Variants in DENND5B observed in about 807,000 individuals in gnomAD.
The protein encoded by DENND5B is DENN domain-containing protein 5B.
Under a neutral mutation model 140.6 loss-of-function variants are expected in DENND5B, and 34 were observed. The observed-to-expected ratio is 0.24, with a 90% CI of 0.18 to 0.32. The LOEUF (loss-of-function observed/expected upper bound fraction) is 0.32, where lower values mean the gene tolerates loss of function less well. Among genes scored for constraint, DENND5B ranks in the 10% least tolerant of loss-of-function variants. The probability of loss-of-function intolerance (pLI) is 1.00; values close to 1 mark genes in which losing one functional copy is unlikely to be tolerated. For missense variants in DENND5B, 1,142 were observed against 1,560.2 expected (o/e 0.73, Z 4.52); for synonymous variants, 551 against 562.1 (o/e 0.98, Z 0.28).
chr12:31,587,230 C>T (rs1377777183), intron 1 of DENND5B, among the ~76,000 whole-genome samples: 1 of 152,214 alleles, frequency 6.6e-6, no homozygotes, highest in Non-Finnish European at 1.5e-5. Flanking sequence ...TATGTGACAT[C>T]TCCATTTGAA....
At chr12:31,516,832 G>C (rs1947675303) in intron 1 of DENND5B, among the ~76,000 whole-genome samples, 2 of 152,106 alleles carry the variant, frequency 1.3e-5, no homozygotes, top group South Asian at 4.1e-4. Flanking sequence ...CCAGCACTTT[G>C]GGAGACTGAA....
intron 11 of DENND5B, chr12:31,419,900 G>A (rs959633739): frequency 2.0e-6 from 1 of 500,334 alleles, no homozygotes; most frequent in Non-Finnish European, 2.5e-6. Flanking sequence ...TTGAACCCAG[G>A]AAGTGGAGGT....
chr12:31,442,841 T>C lies in DENND5B; in HGVS notation c.1946A>G (p.Lys649Arg). Residue 649 changes from lysine (K) to arginine (R), a missense_variant, in exon 7 of 21, where the codon AAA becomes AGA. Lys to Arg is a conservative substitution (Grantham distance 26). Around this residue, in one of 5 missense-constraint regions of DENND5B, gnomAD observed 708 missense variants for 905.5 expected, o/e 0.78. Coordinates refer to ENST00000389082, the MANE Select transcript of DENND5B (RefSeq NM_144973.4). Reference sequence around the variant, plus strand: ...CTTTGGAAAGAACCCCTGCTCATATTTGCCTTGACCAATTTTCATATCAAG... The same window carrying C: ...CTTTGGAAAGAACCCCTGCTCATATCTGCCTTGACCAATTTTCATATCAAG... ...HLLDMKIGQG[K>R]YEQGFFPKLQ... 1.2e-6 allele frequency: 2 copies of C among 1,613,546 alleles called. No homozygotes were observed. Among genetic ancestry groups the C allele is most frequent in the Non-Finnish European group, 1.7e-6 (2 of 1,179,722 alleles).
In DENND5B at chr12:31,408,780, C is replaced by T. The variant is rs559809836; in HGVS notation, c.2803+483G>A. 1.2e-4 allele frequency among the ~76,000 whole-genome samples: 19 copies of T among 152,122 alleles called. No homozygotes were observed. In the East Asian group the frequency reaches 3.7e-3, roughly 29 times the overall value. On this transcript the variant is annotated intron_variant, in intron 14 of 20. Coordinates refer to ENST00000389082, the MANE Select transcript of DENND5B (RefSeq NM_144973.4). Reference sequence around the variant, plus strand: ...GAAATATTTACTTAATAAAACATTCCTTTTCTCATCTATTGTAGGTAACAT... The same window carrying T: ...GAAATATTTACTTAATAAAACATTCTTTTTCTCATCTATTGTAGGTAACAT...
intron 1 of DENND5B, among the ~76,000 whole-genome samples, chr12:31,508,172 G>T (rs977395972): frequency 3.9e-5 from 6 of 152,160 alleles, no homozygotes; most frequent in Admixed American, 3.3e-4. Context: ...ACACTGCTAA[G>T]CTGATTCAAA....
intron 3 of DENND5B, among the ~76,000 whole-genome samples, chr12:31,478,692 A>T (rs1945932530): frequency 1.3e-5 from 1 of 74,246 alleles, no homozygotes; most frequent in South Asian, 5.0e-4. Flanking sequence ...CGGAGTGAGA[A>T]CTTGTCTAAA....
chr12:31,498,597 A>G (rs1225442540), intron 1 of DENND5B, among the ~76,000 whole-genome samples: 1 of 152,208 alleles, frequency 6.6e-6, no homozygotes, highest in Non-Finnish European at 1.5e-5. Flanking sequence ...TGCTATATAT[A>G]CACAGCTGTC....
At chr12:31,437,703 A>C (rs1355804095) in intron 7 of DENND5B, among the ~76,000 whole-genome samples, 1 of 152,170 alleles carries the variant, frequency 6.6e-6, no homozygotes, top group Non-Finnish European at 1.5e-5. Context: ...TACTCAAAAC[A>C]ACCGAAATGT....
At chr12:31,566,319 A>C (rs1037773677) in intron 1 of DENND5B, among the ~76,000 whole-genome samples, 10 of 140,536 alleles carry the variant, frequency 7.1e-5, no homozygotes, top group African/African-American at 2.4e-4. Flanking sequence ...AAACATAGTG[A>C]GAACCTCTCT....
chr12:31,590,405 C>T (rs973954433), intron 1 of DENND5B: 52 of 203,080 alleles, frequency 2.6e-4, no homozygotes, highest in African/African-American at 9.9e-4. Flanking sequence ...CCGAGTGCGG[C>T]TGCAAGCGAA....
At position 31,385,541 on chromosome 12, in the gene DENND5B, G is replaced by T; in HGVS notation, c.*2062C>A. On this transcript the variant is annotated 3_prime_UTR_variant, in exon 21 of 21. Transcript: ENST00000389082. ...GATCACCAAACACAGTAGGAGCCCAGTGTAAAACAGGTTCTGGATATCTCC... is the reference window on the plus strand; with the variant it reads ...GATCACCAAACACAGTAGGAGCCCATTGTAAAACAGGTTCTGGATATCTCC... 6.6e-6 allele frequency: 1 copy of T among 152,352 alleles called. No individual in the cohort carries two copies. The highest frequency in any genetic ancestry group is 1.5e-5 in the Non-Finnish European group (1 of 68,042). 9.4% of individuals were successfully genotyped at this position (152,352 alleles called of 1,614,324 possible). A position where few individuals can be genotyped will look rare whatever the true frequency, so the allele number is the denominator to read the frequency against.
chr12:31,503,459 C>T (rs568738893), intron 1 of DENND5B, among the ~76,000 whole-genome samples: 304 of 152,214 alleles, frequency 2.0e-3, no homozygotes, highest in Non-Finnish European at 3.2e-3. Context: ...ACTCAGGAGG[C>T]TGAGGTGGGA....
chr12:31,460,703 T>C (rs1216372395), intron 3 of DENND5B, among the ~76,000 whole-genome samples: 2 of 152,168 alleles, frequency 1.3e-5, no homozygotes, highest in African/African-American at 2.4e-5. Flanking sequence ...TTTATCCCAC[T>C]AAAAATGTAC....
chr12:31,538,952 C>G (rs1246513729), intron 1 of DENND5B, among the ~76,000 whole-genome samples: 2 of 139,258 alleles, frequency 1.4e-5, no homozygotes, highest in Non-Finnish European at 3.1e-5. Context: ...TTCAATGAAA[C>G]AAAAGGTTTT....
At chr12:31,418,125 T>G (rs1283152422) in intron 11 of DENND5B, among the ~76,000 whole-genome samples, 1 of 152,088 alleles carries the variant, frequency 6.6e-6, no homozygotes, top group South Asian at 2.1e-4. Flanking sequence ...GGATGATAAA[T>G]AGGACATTTG....
chr12:31,395,132 A>G (rs574869691), intron 17 of DENND5B, among the ~76,000 whole-genome samples: 14 of 151,856 alleles, frequency 9.2e-5, no homozygotes, highest in African/African-American at 3.1e-4. Context: ...CTGTGTAGAT[A>G]TATGTATTCA....
At chr12:31,528,326 CGT>C (rs1948158403) in intron 1 of DENND5B, among the ~76,000 whole-genome samples, 1 of 152,200 alleles carries the variant, frequency 6.6e-6, no homozygotes, top group South Asian at 2.1e-4. Context: ...CTTCCTCCTG[CGT>C]GTGTCAAACT....
At chr12:31,525,410 A>G (rs1948051769) in intron 1 of DENND5B, among the ~76,000 whole-genome samples, 1 of 152,230 alleles carries the variant, frequency 6.6e-6, no homozygotes, top group Non-Finnish European at 1.5e-5. Context: ...GAAAATATGC[A>G]AAGTGAAAGA....
chr12:31,533,879 T>C (rs1948386421), intron 1 of DENND5B, among the ~76,000 whole-genome samples: 1 of 151,180 alleles, frequency 6.6e-6, no homozygotes, highest in South Asian at 2.1e-4. Context: ...ACATCTAGGC[T>C]TTTTAGTGTT....
Sources: allele counts gnomAD v4.1 joint callset (sites outside exome capture counted in the v4.1 genomes callset), GRCh38; gene constraint gnomAD v4.1.1; regional missense constraint gnomAD v4.1.1; transcripts MANE v1.5; gene names NCBI Gene and HGNC (gene_info 2026-07-23, HGNC 2026-07-21).